The following MCTP1 variants were observed in gnomAD, a reference collection of about 807,000 sequenced individuals.
The protein encoded by MCTP1 is multiple C2 and transmembrane domain-containing protein 1.
MCTP1 carries 69 observed loss-of-function variants against 120.6 expected under a neutral mutation model. The observed-to-expected ratio is 0.57, with a 90% CI of 0.47 to 0.70. The LOEUF (loss-of-function observed/expected upper bound fraction) is 0.70, where lower values mean the gene tolerates loss of function less well. Ranked by LOEUF, MCTP1 falls within the 30% of genes least tolerant of loss-of-function variation. The pLI, the probability that MCTP1 is intolerant of heterozygous loss-of-function variation, is 0.00. For missense variants in MCTP1, 1,203 were observed against 1,248.8 expected, an observed-to-expected ratio of 0.96 and a Z score of 0.55; for synonymous variants, 529 against 493.1, an observed-to-expected ratio of 1.07 and a Z score of -0.96.
chr5:95,197,489 T>C (rs1345071176), intron 1 of MCTP1, among the ~76,000 whole-genome samples: 1 of 152,154 alleles, frequency 6.6e-6, no homozygotes, highest in African/African-American at 2.4e-5. Flanking sequence ...AATAGCTAAA[T>C]AGGTATCCTG....
intron 2 of MCTP1, among the ~76,000 whole-genome samples, chr5:94,954,388 C>T (rs538108527): frequency 1.3e-5 from 2 of 151,528 alleles, no homozygotes; most frequent in African/African-American, 4.8e-5. Flanking sequence ...GAAAAATAGA[C>T]ACTGGAGATT....
chr5:95,232,936 T>G (rs949133831), intron 1 of MCTP1, among the ~76,000 whole-genome samples: 1 of 152,118 alleles, frequency 6.6e-6, no homozygotes, highest in Non-Finnish European at 1.5e-5. Context: ...TATTTATGAG[T>G]CTAACAACAG....
intron 19 of MCTP1, among the ~76,000 whole-genome samples, chr5:94,750,188 G>A (rs965472916): frequency 6.6e-6 from 1 of 152,070 alleles, no homozygotes; most frequent in Non-Finnish European, 1.5e-5. Flanking sequence ...CTAGGCAGTC[G>A]CAGAGGGAGC....
chr5:94,746,534 C>T (rs1402747561), intron 19 of MCTP1, among the ~76,000 whole-genome samples: 3 of 152,136 alleles, frequency 2.0e-5, no homozygotes, highest in Admixed American at 1.3e-4. Context: ...ATTTTAAATA[C>T]AGTAGGTAAA....
intron 18 of MCTP1, among the ~76,000 whole-genome samples, chr5:94,790,269 T>C (rs1778614078): frequency 6.6e-6 from 1 of 152,112 alleles, no homozygotes; most frequent in Non-Finnish European, 1.5e-5. Context: ...TACTTACTGG[T>C]CCCAGAGAGG....
chr5:95,267,231 A>C (rs931775141), intron 1 of MCTP1, among the ~76,000 whole-genome samples: 1 of 152,208 alleles, frequency 6.6e-6, no homozygotes, highest in Non-Finnish European at 1.5e-5. Flanking sequence ...ACACCTCCTT[A>C]TAGAACCCTC....
chr5:95,110,620 C>T (rs1757385922), intron 1 of MCTP1, among the ~76,000 whole-genome samples: 2 of 152,134 alleles, frequency 1.3e-5, no homozygotes. Flanking sequence ...TTGATTTTTG[C>T]TAGATATATC....
intron 19 of MCTP1, among the ~76,000 whole-genome samples, chr5:94,717,330 A>G (rs1561520658): frequency 6.6e-6 from 1 of 152,184 alleles, no homozygotes; most frequent in Non-Finnish European, 1.5e-5. Context: ...ACATCCCTTC[A>G]AGTTAAAAAC....
chr5:94,947,575 T>TATATATATATATATATATATAG (rs1819327090), intron 3 of MCTP1, among the ~76,000 whole-genome samples: 1 of 47,426 alleles, frequency 2.1e-5, no homozygotes, highest in Non-Finnish European at 3.9e-5. Context: ...TATATATATA[T>TATATATATATATATATATATAG]ATAGAGAGAG....
intron 1 of MCTP1, among the ~76,000 whole-genome samples, chr5:95,082,402 C>T (rs1306190369): frequency 2.6e-5 from 4 of 152,130 alleles, no homozygotes; most frequent in African/African-American, 7.2e-5. Flanking sequence ...TTAGATACCT[C>T]AGTCAATAAA....
At chr5:94,954,183 CATATAT>C (rs67189314) in intron 2 of MCTP1, among the ~76,000 whole-genome samples, 2 of 57,768 alleles carry the variant, frequency 3.5e-5, no homozygotes, top group South Asian at 5.4e-4. Flanking sequence ...TATATATATG[CATATAT>C]ATATATATAT....
At chr5:95,224,039 T>G (rs916098858) in intron 1 of MCTP1, among the ~76,000 whole-genome samples, 3 of 152,204 alleles carry the variant, frequency 2.0e-5, no homozygotes, top group African/African-American at 7.2e-5. Flanking sequence ...CCATGCCAAC[T>G]TTGGGAAATA....
intron 19 of MCTP1, among the ~76,000 whole-genome samples, chr5:94,758,769 A>G (rs916607916): frequency 1.3e-5 from 2 of 152,192 alleles, no homozygotes; most frequent in African/African-American, 4.8e-5. Flanking sequence ...ATTGTTTTCT[A>G]TGTTTGGAAA....
intron 5 of MCTP1, among the ~76,000 whole-genome samples, chr5:94,939,246 A>G (rs190068341): frequency 5.3e-5 from 8 of 152,002 alleles, no homozygotes; most frequent in Admixed American, 5.3e-4. Flanking sequence ...ACAATCTATA[A>G]CCAACTTTAA....
At chr5:95,031,521 C>T (rs927378145) in intron 1 of MCTP1, among the ~76,000 whole-genome samples, 9 of 152,088 alleles carry the variant, frequency 5.9e-5, no homozygotes, top group Admixed American at 2.6e-4. Context: ...AAGAATTTCA[C>T]GTCCTCCTAA....
At chr5:95,225,536 A>C (rs1754160610) in intron 1 of MCTP1, among the ~76,000 whole-genome samples, 2 of 152,196 alleles carry the variant, frequency 1.3e-5, no homozygotes, top group Admixed American at 6.5e-5. Context: ...AAAATAAAGA[A>C]TATATATCCA....
intron 1 of MCTP1, among the ~76,000 whole-genome samples, chr5:95,281,426 T>C (rs559095298): frequency 2.9e-4 from 44 of 152,326 alleles, no homozygotes; most frequent in Admixed American, 1.8e-3. Context: ...AAATCCTCTC[T>C]TTTACATTGG....
intron 9 of MCTP1, among the ~76,000 whole-genome samples, chr5:94,912,595 A>T (rs1449302675): frequency 1.3e-5 from 2 of 152,154 alleles, no homozygotes; most frequent in East Asian, 3.8e-4. Context: ...AGATGAAGAA[A>T]TTGGGACATA....
At chr5:95,173,396 A>C (rs2152501102) in intron 1 of MCTP1, among the ~76,000 whole-genome samples, 1 of 152,316 alleles carries the variant, frequency 6.6e-6, no homozygotes, top group Non-Finnish European at 1.5e-5. Flanking sequence ...ACCAGAAAAA[A>C]AATTTATGAG....
Sources: gnomAD v4.1 joint callset for allele counts (sites outside exome capture counted in the v4.1 genomes callset) on GRCh38, gnomAD v4.1.1 for gene constraint, MANE v1.5 for transcripts, NCBI Gene and HGNC (gene_info 2026-07-23, HGNC 2026-07-21) for gene names.